Variants in MEOX2 observed in about 807,000 individuals in gnomAD.
MEOX2 encodes homeobox protein MOX-2.
MEOX2 carries 11 observed loss-of-function variants against 27.0 expected under a neutral mutation model. That is an observed-to-expected ratio of 0.41 (90% CI 0.26 to 0.68). The LOEUF (loss-of-function observed/expected upper bound fraction) is 0.68, where lower values mean the gene tolerates loss of function less well. Ranked by LOEUF, MEOX2 falls within the 30% of genes least tolerant of loss-of-function variation. The pLI is 0.33. For missense variants in MEOX2, 436 were observed against 385.4 expected (o/e 1.13, Z -1.10); for synonymous variants, 189 against 155.4 (o/e 1.22, Z -1.61).
At chr7:15,620,148 T>G (rs1249232355) in intron 2 of MEOX2, among the ~76,000 whole-genome samples, 4 of 152,142 alleles carry the variant, frequency 2.6e-5, no homozygotes, top group African/African-American at 4.8e-5. Context: ...CCCTTTACTC[T>G]CCCCATTTTA....
intron 2 of MEOX2, among the ~76,000 whole-genome samples, chr7:15,616,833 G>A (rs774778676): frequency 3.0e-4 from 45 of 151,884 alleles, no homozygotes; most frequent in Non-Finnish European, 5.3e-4. Flanking sequence ...AACCTGTACT[G>A]TGTTAGATCA....
At chr7:15,649,154 T>A (rs1383824639) in intron 1 of MEOX2, among the ~76,000 whole-genome samples, 1 of 152,114 alleles carries the variant, frequency 6.6e-6, no homozygotes, top group Non-Finnish European at 1.5e-5. Context: ...AATTTCCATA[T>A]CTTAAACATT....
intron 1 of MEOX2, among the ~76,000 whole-genome samples, chr7:15,630,769 A>G (rs918648030): frequency 6.6e-6 from 1 of 152,070 alleles, no homozygotes; most frequent in African/African-American, 2.4e-5. Flanking sequence ...ATGGAGTCAG[A>G]AAAATTTATG....
At chr7:15,635,989 T>C (rs1420757539) in intron 1 of MEOX2, among the ~76,000 whole-genome samples, 1 of 151,992 alleles carries the variant, frequency 6.6e-6, no homozygotes, top group Non-Finnish European at 1.5e-5. Flanking sequence ...CGGAGTCAGA[T>C]AGTGTGCTTG....
intron 1 of MEOX2, among the ~76,000 whole-genome samples, chr7:15,657,185 C>G (rs996939291): frequency 6.6e-6 from 1 of 151,962 alleles, no homozygotes; most frequent in Admixed American, 6.6e-5. Flanking sequence ...TTGTGTTTAT[C>G]CTTTTTAGGA....
chr7:15,614,622 C>A (rs927699176), intron 2 of MEOX2, among the ~76,000 whole-genome samples: 1 of 152,064 alleles, frequency 6.6e-6, no homozygotes, highest in Admixed American at 6.6e-5. Context: ...ATATGCATAG[C>A]TTTATTGCTG....
At chr7:15,614,664 A>G (rs1285749187) in intron 2 of MEOX2, among the ~76,000 whole-genome samples, 2 of 152,036 alleles carry the variant, frequency 1.3e-5, no homozygotes, top group Non-Finnish European at 2.9e-5. Context: ...TAATTTTTCT[A>G]TAGTTTTGAT....
chr7:15,683,515 ATCATTT>A (rs1782325475), intron 1 of MEOX2, among the ~76,000 whole-genome samples: 1 of 152,112 alleles, frequency 6.6e-6, no homozygotes, highest in Non-Finnish European at 1.5e-5. Context: ...CAGGATCATA[ATCATTT>A]TCAATATTGT....
chr7:15,614,211 A>AAAT (rs1781085191), intron 2 of MEOX2, among the ~76,000 whole-genome samples: 1 of 6,264 alleles, frequency 1.6e-4, no homozygotes, highest in Non-Finnish European at 2.9e-4. Flanking sequence ...AGATAAAATA[A>AAAT]AATAAAATAA....
chr7:15,631,933 G>GTGT (rs66500166), intron 1 of MEOX2, among the ~76,000 whole-genome samples: 711 of 32,468 alleles, frequency 0.022, 8 homozygotes, highest in African/African-American at 0.039. Flanking sequence ...TGTGTGTGTG[G>GTGT]AGAGAAAGAG....
At chr7:15,680,353 G>A (rs1251654419) in intron 1 of MEOX2, 1 of 151,700 alleles carries the variant, frequency 6.6e-6, no homozygotes. Flanking sequence ...TAAGTAAAAC[G>A]GGAAGAACTG....
Position 15,612,255 on chromosome 7 carries a change from AG to A in MEOX2, c.*131del, listed in dbSNP as rs2115350667. ...AAACCCTCTATAAATCATGAAAAAC[AG>A]ATTCGAAATGCCTGGATTTAATAAT... is the stretch of plus-strand genomic sequence containing the variant. On this transcript the variant is annotated 3_prime_UTR_variant, in exon 3 of 3. Transcript: ENST00000262041. 1 of 740,816 alleles carries A rather than the reference AG, an allele frequency of 1.3e-6. No homozygotes were observed. Among genetic ancestry groups the A allele is most frequent in the Non-Finnish European group, 2.2e-6 (1 of 450,130 alleles). The allele number at this position is 740,816 out of a possible 1,614,324, so 45.9% of individuals were successfully genotyped here. A position where few individuals can be genotyped will look rare whatever the true frequency, so the allele number is the denominator to read the frequency against.
At chr7:15,669,610 C>A (rs1262637715) in intron 1 of MEOX2, among the ~76,000 whole-genome samples, 1 of 152,218 alleles carries the variant, frequency 6.6e-6, no homozygotes, top group Non-Finnish European at 1.5e-5. Flanking sequence ...GCAGTCGTGG[C>A]AGCTGAATTG....
At chr7:15,658,535 A>T (rs1175206042) in intron 1 of MEOX2, among the ~76,000 whole-genome samples, 5 of 152,186 alleles carry the variant, frequency 3.3e-5, no homozygotes, top group Admixed American at 1.3e-4. Context: ...TGAGGCAAAA[A>T]AGCAAAAAGA....
At chr7:15,636,863 A>C (rs1307672503) in intron 1 of MEOX2, among the ~76,000 whole-genome samples, 1 of 152,046 alleles carries the variant, frequency 6.6e-6, no homozygotes, top group African/African-American at 2.4e-5. Context: ...GCAGAAGGGC[A>C]AAAGAGCGTG....
At chr7:15,641,385 G>T (rs1341116320) in intron 1 of MEOX2, among the ~76,000 whole-genome samples, 1 of 151,054 alleles carries the variant, frequency 6.6e-6, no homozygotes, top group African/African-American at 2.4e-5. Flanking sequence ...TTGTTTGTTT[G>T]TTTTAACTGT....
chr7:15,621,235 C>G (rs1385532870), intron 2 of MEOX2, among the ~76,000 whole-genome samples: 1 of 152,306 alleles, frequency 6.6e-6, no homozygotes, highest in East Asian at 1.9e-4. Flanking sequence ...AAGTTAGAAG[C>G]TAGAAGATTT....
rs1296527890 is a variant in MEOX2 at position 15,686,095 on chromosome 7, G to A, written c.308C>T (p.Ala103Val). 4 of 1,585,744 alleles carry A rather than the reference G, an allele frequency of 2.5e-6. No homozygotes were observed. In the African/African-American group the frequency reaches 4.0e-5, roughly 16 times the overall value. The change falls in exon 1 of 3, where the codon GCG becomes GTG. Residue 103 changes from alanine to valine, a missense_variant. Transcript: ENST00000262041. ...HLPQMSSPPS[A>V]ARHSLCLQPD... ...CTGGAGGCAGAGGCTGTGCCGAGCCGCACTCGGTGGGGAAGACATCTGCGG... is the reference window on the plus strand; with the variant it reads ...CTGGAGGCAGAGGCTGTGCCGAGCCACACTCGGTGGGGAAGACATCTGCGG...
intron 1 of MEOX2, among the ~76,000 whole-genome samples, chr7:15,659,382 T>A (rs17421415): frequency 0.2 from 30,894 of 152,060 alleles, 3,698 homozygotes; most frequent in East Asian, 0.31. Flanking sequence ...CAGTCGGGTG[T>A]GTGCATATAA....
Sources: gnomAD v4.1 joint callset for allele counts (sites outside exome capture counted in the v4.1 genomes callset) on GRCh38, gnomAD v4.1.1 for gene constraint, MANE v1.5 for transcripts, NCBI Gene and HGNC (gene_info 2026-07-23, HGNC 2026-07-21) for gene names.